UBE2E2: variants seen among roughly 807,000 people sequenced by gnomAD.
UBE2E2 encodes the protein ubiquitin-conjugating enzyme E2 E2.
UBE2E2 carries 6 observed loss-of-function variants against 24.7 expected under a neutral mutation model. The ratio of observed to expected loss-of-function variants is 0.24; its 90% CI spans 0.13 to 0.48. The LOEUF (loss-of-function observed/expected upper bound fraction) is 0.48, where lower values mean the gene tolerates loss of function less well. Among genes scored for constraint, UBE2E2 ranks in the 20% least tolerant of loss-of-function variants. The probability of loss-of-function intolerance (pLI) is 0.99; values close to 1 mark genes in which losing one functional copy is unlikely to be tolerated. For missense variants in UBE2E2, 169 were observed against 245.0 expected, an observed-to-expected ratio of 0.69 and a Z score of 2.07; for synonymous variants, 104 against 83.6, an observed-to-expected ratio of 1.24 and a Z score of -1.33.
At chr3:23,272,332 C>CT (rs1472503974) in intron 3 of UBE2E2, among the ~76,000 whole-genome samples, 1 of 152,008 alleles carries the variant, frequency 6.6e-6, no homozygotes, top group Non-Finnish European at 1.5e-5. Context: ...CCACCCAGAA[C>CT]TTTCACTGGC....
chr3:23,309,078 T>C (rs1413592690), intron 3 of UBE2E2, among the ~76,000 whole-genome samples: 1 of 152,216 alleles, frequency 6.6e-6, no homozygotes, highest in Non-Finnish European at 1.5e-5. Flanking sequence ...CCAGTTGGCA[T>C]GGGCAACTGT....
At chr3:23,403,175 G>A (rs924456859) in intron 3 of UBE2E2, among the ~76,000 whole-genome samples, 21 of 152,146 alleles carry the variant, frequency 1.4e-4, no homozygotes, top group African/African-American at 4.6e-4. Context: ...AATTATTTTT[G>A]CACAGTTACC....
intron 3 of UBE2E2, among the ~76,000 whole-genome samples, chr3:23,251,998 A>C (rs71317820): frequency 3.9e-5 from 6 of 152,194 alleles, no homozygotes; most frequent in Non-Finnish European, 8.8e-5. Context: ...CAGGTACTCC[A>C]CATAAATGTG....
intron 3 of UBE2E2, among the ~76,000 whole-genome samples, chr3:23,245,869 C>T (rs576854097): frequency 7.2e-4 from 110 of 152,264 alleles, no homozygotes; most frequent in African/African-American, 2.3e-3. Context: ...CATATTTACA[C>T]ACATACATCT....
At chr3:23,582,807 C>G (rs1031809418) in intron 5 of UBE2E2, among the ~76,000 whole-genome samples, 16 of 149,402 alleles carry the variant, frequency 1.1e-4, no homozygotes, top group African/African-American at 3.7e-4. Flanking sequence ...TTGTTAGATG[C>G]GTAGTTTGCA....
At chr3:23,542,280 A>G (rs1695412743) in intron 5 of UBE2E2, among the ~76,000 whole-genome samples, 2 of 152,208 alleles carry the variant, frequency 1.3e-5, no homozygotes, top group South Asian at 4.1e-4. Context: ...CGGGTAATGC[A>G]TCTTTTCTGT....
intron 3 of UBE2E2, among the ~76,000 whole-genome samples, chr3:23,297,667 C>G (rs1247368001): frequency 6.6e-6 from 1 of 152,100 alleles, no homozygotes; most frequent in Non-Finnish European, 1.5e-5. Context: ...GGTACCAGTA[C>G]CATGCTGTTT....
intron 3 of UBE2E2, among the ~76,000 whole-genome samples, chr3:23,455,508 A>G (rs1042890904): frequency 6.6e-6 from 1 of 152,110 alleles, no homozygotes; most frequent in Admixed American, 6.5e-5. Flanking sequence ...ACTTAAGGCT[A>G]GGAGTTCAAG....
rs193291495 is a variant in UBE2E2 at position 23,584,324 on chromosome 3, G to T, written c.509-5410G>T. Among the ~76,000 whole-genome samples the T allele has an allele frequency of 2.2e-4, 33 of 152,152 alleles. 2 individuals are homozygous for T. The East Asian group carries it at 4.4e-3, about 20-fold the overall frequency. ...GCTGGATTTGGTTTGCTAGTATTTT[G>T]TTGAGGATTTTTGCATCTACATCCA... On this transcript the variant is annotated intron_variant, in intron 5 of 5. Transcript: ENST00000396703.
chr3:23,299,184 A>G (rs1265666392), intron 3 of UBE2E2, among the ~76,000 whole-genome samples: 2 of 151,448 alleles, frequency 1.3e-5, no homozygotes, highest in African/African-American at 2.4e-5. Context: ...TCTCTTCTTT[A>G]TTAGTCTTGC....
At chr3:23,240,885 C>T (rs1200681426) in intron 3 of UBE2E2, among the ~76,000 whole-genome samples, 6 of 152,088 alleles carry the variant, frequency 3.9e-5, no homozygotes, top group Non-Finnish European at 7.4e-5. Context: ...AGGTTAATAA[C>T]GGTGAAAATT....
chr3:23,375,390 G>GT (rs1254940629), intron 3 of UBE2E2, among the ~76,000 whole-genome samples: 2 of 152,104 alleles, frequency 1.3e-5, no homozygotes, highest in East Asian at 3.8e-4. Flanking sequence ...TTTATGGTGT[G>GT]TTTTTGAGTT....
chr3:23,246,047 CAG>C (rs1413555398), intron 3 of UBE2E2, among the ~76,000 whole-genome samples: 2 of 152,000 alleles, frequency 1.3e-5, no homozygotes, highest in Non-Finnish European at 2.9e-5. Flanking sequence ...TATTGGCATC[CAG>C]TCAATAAATA....
At chr3:23,455,764 C>G (rs1364064054) in intron 3 of UBE2E2, among the ~76,000 whole-genome samples, 1 of 152,144 alleles carries the variant, frequency 6.6e-6, no homozygotes, top group Non-Finnish European at 1.5e-5. Flanking sequence ...GAGTCATAAT[C>G]TTTTTGCTGG....
intron 3 of UBE2E2, among the ~76,000 whole-genome samples, chr3:23,223,084 A>G (rs1192432105): frequency 8.6e-6 from 1 of 116,704 alleles, no homozygotes; most frequent in East Asian, 2.8e-4. Context: ...CAGTGGCGTG[A>G]TCTCTGCTCA....
intron 5 of UBE2E2, among the ~76,000 whole-genome samples, chr3:23,563,248 C>CTA (rs1695981262): frequency 6.6e-6 from 1 of 152,136 alleles, no homozygotes; most frequent in South Asian, 2.1e-4. Context: ...TAAATGTGTC[C>CTA]TAGAGATTCT....
At chr3:23,504,392 G>C (rs1466524803) in intron 4 of UBE2E2, among the ~76,000 whole-genome samples, 2 of 152,134 alleles carry the variant, frequency 1.3e-5, no homozygotes, top group Admixed American at 6.5e-5. Flanking sequence ...GTGATGTGAT[G>C]AACATTCATA....
At chr3:23,214,938 T>C (rs904418657) in intron 2 of UBE2E2, among the ~76,000 whole-genome samples, 1 of 152,158 alleles carries the variant, frequency 6.6e-6, no homozygotes, top group Non-Finnish European at 1.5e-5. Flanking sequence ...TTATTTCTCA[T>C]TGAATTGTTA....
chr3:23,571,568 G>A (rs886324514), intron 5 of UBE2E2, among the ~76,000 whole-genome samples: 3 of 151,894 alleles, frequency 2.0e-5, no homozygotes, highest in African/African-American at 7.2e-5. Context: ...GATTACAGGC[G>A]TGAGCCATCA....
Sources: gnomAD v4.1 joint callset for allele counts (sites outside exome capture counted in the v4.1 genomes callset) on GRCh38, gnomAD v4.1.1 for gene constraint, MANE v1.5 for transcripts, NCBI Gene and HGNC (gene_info 2026-07-23, HGNC 2026-07-21) for gene names.